CDH18: variants seen among roughly 807,000 people sequenced by gnomAD.
CDH18 encodes cadherin-18.
Under a neutral mutation model 67.9 loss-of-function variants are expected in CDH18, and 31 were observed. That is an observed-to-expected ratio of 0.46 (90% CI 0.34 to 0.62). CDH18 has a LOEUF of 0.62. CDH18 is among the 20% of genes least tolerant of loss of function. The probability of loss-of-function intolerance (pLI) is 0.01; values close to 1 mark genes in which losing one functional copy is unlikely to be tolerated. For missense variants in CDH18, 890 were observed against 975.5 expected, an observed-to-expected ratio of 0.91 and a Z score of 1.17; for synonymous variants, 362 against 347.2, an observed-to-expected ratio of 1.04 and a Z score of -0.48.
At chr5:19,615,450 T>C (rs994671252) in intron 5 of CDH18, among the ~76,000 whole-genome samples, 4 of 152,140 alleles carry the variant, frequency 2.6e-5, no homozygotes, top group African/African-American at 7.2e-5. Flanking sequence ...AGAATTCCCA[T>C]ATACCCTTTA....
intron 1 of CDH18, among the ~76,000 whole-genome samples, chr5:20,343,100 C>T (rs914109499): frequency 1.3e-5 from 2 of 152,084 alleles, no homozygotes; most frequent in African/African-American, 2.4e-5. Context: ...AATTGGATCC[C>T]GAGGTGGCAA....
chr5:19,975,333 T>C (rs542580902), intron 2 of CDH18, among the ~76,000 whole-genome samples: 1 of 152,256 alleles, frequency 6.6e-6, no homozygotes, highest in East Asian at 1.9e-4. Context: ...CATAAAGCTG[T>C]AATTTTCTTA....
chr5:19,719,952 AGAAAGAAG>A (rs1197241447), intron 5 of CDH18, among the ~76,000 whole-genome samples: 2 of 141,836 alleles, frequency 1.4e-5, no homozygotes, highest in African/African-American at 2.5e-5. Flanking sequence ...AAAGAAAGAA[AGAAAGAAG>A]GAAAGAGTTA....
chr5:19,636,979 C>T (rs1473674533), intron 5 of CDH18, among the ~76,000 whole-genome samples: 1 of 152,120 alleles, frequency 6.6e-6, no homozygotes, highest in Non-Finnish European at 1.5e-5. Context: ...ATACTGTCTC[C>T]TCTCAAGCAA....
At chr5:20,376,513 T>C (rs1743457888) in intron 1 of CDH18, among the ~76,000 whole-genome samples, 1 of 151,186 alleles carries the variant, frequency 6.6e-6, no homozygotes, top group South Asian at 2.1e-4. Context: ...GCCATGCAAG[T>C]GTCTGCTTTC....
chr5:19,784,579 G>A (rs950255420), intron 3 of CDH18, among the ~76,000 whole-genome samples: 5 of 152,060 alleles, frequency 3.3e-5, no homozygotes, highest in African/African-American at 1.2e-4. Flanking sequence ...TTGTGTACAT[G>A]TGATTTTTTT....
chr5:19,555,701 AC>A (rs1332054305), intron 8 of CDH18, among the ~76,000 whole-genome samples: 1 of 152,174 alleles, frequency 6.6e-6, no homozygotes, highest in Non-Finnish European at 1.5e-5. Flanking sequence ...GTAGCCCAGG[AC>A]AAAGTACATA....
chr5:20,391,728 G>T (rs1047656016), intron 1 of CDH18, among the ~76,000 whole-genome samples: 43 of 152,044 alleles, frequency 2.8e-4, no homozygotes, highest in African/African-American at 9.9e-4. Flanking sequence ...TGACATTGAT[G>T]TGTAAAACCC....
chr5:19,573,331 T>G (rs1005566030), intron 7 of CDH18, among the ~76,000 whole-genome samples: 4 of 151,818 alleles, frequency 2.6e-5, no homozygotes, highest in African/African-American at 7.3e-5. Context: ...CAGGCTGGAG[T>G]GCAGTGGTGA....
At chr5:19,550,159 G>T (rs1038177277) in intron 8 of CDH18, among the ~76,000 whole-genome samples, 2 of 151,932 alleles carry the variant, frequency 1.3e-5, no homozygotes, top group Non-Finnish European at 2.9e-5. Flanking sequence ...AAAAAAGAAA[G>T]AAAAAAGCTT....
chr5:20,202,389 A>T (rs1426486471), intron 2 of CDH18, among the ~76,000 whole-genome samples: 1 of 152,138 alleles, frequency 6.6e-6, no homozygotes, highest in African/African-American at 2.4e-5. Flanking sequence ...TAGCTTATTA[A>T]TCAAAGAATG....
At chr5:19,932,891 A>G (rs1163699146) in intron 2 of CDH18, among the ~76,000 whole-genome samples, 2 of 151,692 alleles carry the variant, frequency 1.3e-5, no homozygotes, top group Non-Finnish European at 3.0e-5. Flanking sequence ...GTATCTGTAC[A>G]TACAACTGAA....
chr5:19,703,447 GGTTT>G (rs2150490410), intron 5 of CDH18, among the ~76,000 whole-genome samples: 1 of 152,246 alleles, frequency 6.6e-6, no homozygotes, highest in Admixed American at 6.5e-5. Flanking sequence ...TGACAGAGCA[GGTTT>G]GTTTGCCAGC....
intron 2 of CDH18, among the ~76,000 whole-genome samples, chr5:20,167,474 GGATA>G (rs1451637573): frequency 6.7e-6 from 1 of 149,828 alleles, no homozygotes; most frequent in Non-Finnish European, 1.5e-5. Context: ...ATAAATTAAT[GGATA>G]AATAATAAAT....
At chr5:19,995,497 A>G (rs1437792397) in intron 2 of CDH18, among the ~76,000 whole-genome samples, 1 of 151,926 alleles carries the variant, frequency 6.6e-6, no homozygotes, top group Admixed American at 6.6e-5. Context: ...TTGACCACTC[A>G]TATTAAATAT....
At chr5:20,026,784 C>A (rs1738938296) in intron 2 of CDH18, among the ~76,000 whole-genome samples, 1 of 151,984 alleles carries the variant, frequency 6.6e-6, no homozygotes, top group South Asian at 2.1e-4. Context: ...TGGTGAATCC[C>A]TGTCTCTACT....
At chr5:19,667,015 T>G (rs1277339472) in intron 5 of CDH18, among the ~76,000 whole-genome samples, 2 of 152,038 alleles carry the variant, frequency 1.3e-5, no homozygotes, top group Non-Finnish European at 2.9e-5. Flanking sequence ...ATTTGGTGTT[T>G]TTTAAGTGTT....
At chr5:19,502,971 A>G in intron 11 of CDH18, 21 bp downstream of exon 11, 1 of 1,305,382 alleles carries the variant, frequency 7.7e-7, no homozygotes, top group Non-Finnish European at 1.1e-6. Flanking sequence ...TAGATAAACA[A>G]ATATGTGTAT....
chr5:20,573,678 A>G (rs1758932402), intron 1 of CDH18, among the ~76,000 whole-genome samples: 2 of 150,724 alleles, frequency 1.3e-5, no homozygotes, highest in Admixed American at 1.3e-4. Flanking sequence ...TAATAGATTT[A>G]AAACAAATTC....
Sources: allele counts gnomAD v4.1 joint callset (sites outside exome capture counted in the v4.1 genomes callset), GRCh38; gene constraint gnomAD v4.1.1; transcripts MANE v1.5; gene names NCBI Gene and HGNC (gene_info 2026-07-23, HGNC 2026-07-21).